The following ABRACL variants were observed in gnomAD, a reference collection of about 807,000 sequenced individuals.
The protein encoded by ABRACL is ABRA C-terminal like, also known as costars family protein ABRACL.
A neutral mutation model predicts 7.0 loss-of-function variants in ABRACL; 4 were observed. The ratio of observed to expected loss-of-function variants is 0.57; its 90% CI spans 0.28 to 1.30. The LOEUF (loss-of-function observed/expected upper bound fraction) is 1.30, where lower values mean the gene tolerates loss of function less well. Ranked by LOEUF, ABRACL falls within the 50% of genes most tolerant of loss-of-function variation. ABRACL has a pLI of 0.10. For synonymous variants in ABRACL, 30 were observed against 36.0 expected, an observed-to-expected ratio of 0.83 and a Z score of 0.60; for missense variants, 104 against 97.3, an observed-to-expected ratio of 1.07 and a Z score of -0.29.
At chr6:139,040,866 C>T (rs1460856670) in intron 2 of ABRACL, among the ~76,000 whole-genome samples, 1 of 152,182 alleles carries the variant, frequency 6.6e-6, no homozygotes, top group Non-Finnish European at 1.5e-5. Flanking sequence ...GCACACTCTC[C>T]CCATTTGTCT....
In ABRACL at chr6:139,034,537, T is replaced by G. The variant is rs1786126749; in HGVS notation, c.61+316T>G. 2.2e-5 allele frequency: 21 copies of G among 957,418 alleles called. No homozygotes were observed. In the South Asian group the frequency reaches 4.4e-4, roughly 20 times the overall value. The allele number at this position is 957,418 out of a possible 1,614,324, so 59.3% of individuals were successfully genotyped here. A position where few individuals can be genotyped will look rare whatever the true frequency, so the allele number is the denominator to read the frequency against. On this transcript the variant is annotated intron_variant, in intron 2 of 2. Transcript: ENST00000367660. Reference sequence around the variant, plus strand: ...AATTGAATCATGTTCAAATTTTTACTTGTCATACTATTAAAATTCATGTTT... The same window carrying G: ...AATTGAATCATGTTCAAATTTTTACGTGTCATACTATTAAAATTCATGTTT...
chr6:139,037,986 A>G (rs1786189879), intron 2 of ABRACL, among the ~76,000 whole-genome samples: 1 of 152,094 alleles, frequency 6.6e-6, no homozygotes, highest in African/African-American at 2.4e-5. Flanking sequence ...CATGTTGGCC[A>G]GGCTGGTCTC....
intron 2 of ABRACL, chr6:139,034,562 T>A: frequency 4.3e-6 from 3 of 698,062 alleles, no homozygotes; most frequent in Middle Eastern, 4.3e-4. Flanking sequence ...AATTCATGTT[T>A]TCTGCCTTGT....
chr6:139,034,527 A>G (rs1786126587), intron 2 of ABRACL: 3 of 1,045,858 alleles, frequency 2.9e-6, no homozygotes, highest in Non-Finnish European at 2.7e-6. Flanking sequence ...AATCATGTTC[A>G]AATTTTTACT....
Position 139,034,219 on chromosome 6 carries a change from AAAGT to A in ABRACL, c.61+4_61+7del. 6.2e-7 allele frequency: 1 copy of A among 1,614,206 alleles called. No individual in the cohort carries two copies. The highest frequency in any genetic ancestry group is 1.1e-5 in the South Asian group (1 of 91,078). ...GAGGAAATTCATCGTTTGGGTTCAA[AAAGT>A]AAGTATCTGACAGAGATAGAGTATT... On this transcript the variant is annotated splice_donor_variant and coding_sequence_variant, in exon 2 of 3. Coordinates refer to ENST00000367660, the MANE Select transcript of ABRACL (RefSeq NM_021243.3). LOFTEE classifies it high-confidence loss of function.
intron 1 of ABRACL, among the ~76,000 whole-genome samples, chr6:139,031,912 G>A (rs1562218443): frequency 6.6e-6 from 1 of 152,048 alleles, no homozygotes; most frequent in African/African-American, 2.4e-5. Context: ...TGGGTGCTGG[G>A]CAGACAAAAC....
intron 1 of ABRACL, among the ~76,000 whole-genome samples, chr6:139,032,419 TAA>T (rs1185517364): frequency 3.3e-5 from 5 of 152,218 alleles, no homozygotes; most frequent in African/African-American, 7.2e-5. Flanking sequence ...ATTTTCATAT[TAA>T]GTTTTATGAA....
intron 2 of ABRACL, among the ~76,000 whole-genome samples, chr6:139,041,531 A>ATATATATATATTTT: frequency 7.9e-6 from 1 of 126,038 alleles, no homozygotes; most frequent in South Asian, 2.5e-4. Flanking sequence ...ATATATATAT[A>ATATATATATATTTT]TTTTTTTTTA....
intron 2 of ABRACL, among the ~76,000 whole-genome samples, chr6:139,041,511 G>A (rs9767382): frequency 0.022 from 714 of 32,160 alleles, 6 homozygotes; most frequent in African/African-American, 0.053. Flanking sequence ...GTGTGTGTGT[G>A]TGTATATATA....
chr6:139,029,786 GC>G (rs1311644535), intron 1 of ABRACL, among the ~76,000 whole-genome samples: 1 of 152,168 alleles, frequency 6.6e-6, no homozygotes, highest in Non-Finnish European at 1.5e-5. Flanking sequence ...GGGAAAACGT[GC>G]CCAGCCCGAG....
At chr6:139,041,531 A>ATATATATTT (rs748288046) in intron 2 of ABRACL, among the ~76,000 whole-genome samples, 5 of 126,038 alleles carry the variant, frequency 4.0e-5, no homozygotes, top group African/African-American at 1.5e-4. Context: ...ATATATATAT[A>ATATATATTT]TTTTTTTTTA....
chr6:139,036,669 T>G, intron 2 of ABRACL, among the ~76,000 whole-genome samples: 1 of 152,190 alleles, frequency 6.6e-6, no homozygotes, highest in Non-Finnish European at 1.5e-5. Flanking sequence ...GGGATTTTAC[T>G]ACTTAGTTGA....
intron 2 of ABRACL, among the ~76,000 whole-genome samples, chr6:139,036,991 A>T (rs1786167820): frequency 6.7e-6 from 1 of 149,738 alleles, no homozygotes; most frequent in Admixed American, 6.7e-5. Flanking sequence ...CTCAAAACAA[A>T]AACAAAAACA....
intron 2 of ABRACL, among the ~76,000 whole-genome samples, chr6:139,042,261 G>A (rs1786263672): frequency 7.3e-6 from 1 of 137,578 alleles, no homozygotes; most frequent in African/African-American, 2.7e-5. Context: ...TGGTCCTGAT[G>A]AATGGCTGAT....
intron 2 of ABRACL, among the ~76,000 whole-genome samples, chr6:139,038,891 A>G (rs768010471): frequency 6.6e-6 from 1 of 152,206 alleles, no homozygotes; most frequent in Non-Finnish European, 1.5e-5. Flanking sequence ...GTAAAACAAT[A>G]ATACTCTATT....
chr6:139,033,261 G>A (rs1290819979), intron 1 of ABRACL, among the ~76,000 whole-genome samples: 2 of 152,232 alleles, frequency 1.3e-5, no homozygotes, highest in African/African-American at 2.4e-5. Context: ...GACCCAGCTC[G>A]TGGAGGACTT....
At chr6:139,035,442 G>A (rs1786138802) in intron 2 of ABRACL, among the ~76,000 whole-genome samples, 1 of 152,030 alleles carries the variant, frequency 6.6e-6, no homozygotes, top group African/African-American at 2.4e-5. Context: ...AGCAAGAGCT[G>A]ATTGAGTCCA....
intron 1 of ABRACL, among the ~76,000 whole-genome samples, chr6:139,029,432 G>A (rs953232114): frequency 3.3e-5 from 5 of 152,034 alleles, no homozygotes; most frequent in Non-Finnish European, 5.9e-5. Flanking sequence ...TCGCTCTCGC[G>A]GCGCTTCGGG....
chr6:139,029,575 C>A (rs2114293286), intron 1 of ABRACL, among the ~76,000 whole-genome samples: 1 of 152,276 alleles, frequency 6.6e-6, no homozygotes, highest in East Asian at 1.9e-4. Flanking sequence ...CCGCGCTCCC[C>A]AGCCCTGCAC....
Sources: gnomAD v4.1 joint callset for allele counts (sites outside exome capture counted in the v4.1 genomes callset) on GRCh38, gnomAD v4.1.1 for gene constraint, MANE v1.5 for transcripts, NCBI Gene and HGNC (gene_info 2026-07-23, HGNC 2026-07-21) for gene names.